CREB5: variants seen among roughly 807,000 people sequenced by gnomAD.
CREB5 encodes the protein cAMP responsive element binding protein 5.
In CREB5, 19 loss-of-function variants were observed where a neutral mutation model predicts 57.1. The observed-to-expected ratio is 0.33, with a 90% CI of 0.23 to 0.49. CREB5 has a LOEUF of 0.49. Among genes scored for constraint, CREB5 ranks in the 20% least tolerant of loss-of-function variants. CREB5 has a pLI of 0.99. For missense variants in CREB5, 579 were observed against 671.6 expected (o/e 0.86, Z 1.52); for synonymous variants, 238 against 238.3 (o/e 1.00, Z 0.01).
chr7:28,589,215 T>C (rs1796405697), intron 5 of CREB5, among the ~76,000 whole-genome samples: 1 of 152,208 alleles, frequency 6.6e-6, no homozygotes, highest in Admixed American at 6.5e-5. Context: ...GTTGCAGACA[T>C]CAGTAACTTT....
chr7:28,558,680 A>AG (rs969708949), intron 4 of CREB5, among the ~76,000 whole-genome samples: 2 of 152,144 alleles, frequency 1.3e-5, no homozygotes, highest in African/African-American at 4.8e-5. Flanking sequence ...GAGCTGAGAA[A>AG]GGGGGGCTTG....
chr7:28,488,962 G>A (rs1431941761), intron 2 of CREB5, among the ~76,000 whole-genome samples: 1 of 152,162 alleles, frequency 6.6e-6, no homozygotes, highest in Non-Finnish European at 1.5e-5. Flanking sequence ...CTATCTCTTT[G>A]AAAGAAATTA....
chr7:28,360,260 T>C (rs1222650867), intron 1 of CREB5, among the ~76,000 whole-genome samples: 2 of 152,242 alleles, frequency 1.3e-5, no homozygotes, highest in African/African-American at 4.8e-5. Context: ...TGAAGAGATA[T>C]TGGCATTTCC....
At chr7:28,775,975 C>A (rs1293378758) in intron 7 of CREB5, among the ~76,000 whole-genome samples, 1 of 152,078 alleles carries the variant, frequency 6.6e-6, no homozygotes, top group Non-Finnish European at 1.5e-5. Flanking sequence ...TGTAACTGCC[C>A]CGTGTGCACA....
intron 1 of CREB5, among the ~76,000 whole-genome samples, chr7:28,445,921 A>G (rs1583471211): frequency 6.6e-6 from 1 of 152,334 alleles, no homozygotes; most frequent in Admixed American, 6.5e-5. Flanking sequence ...AGGCCTGTTC[A>G]TGGTAGAAGC....
chr7:28,387,240 T>A (rs1583413357), intron 1 of CREB5, among the ~76,000 whole-genome samples: 1 of 152,322 alleles, frequency 6.6e-6, no homozygotes, highest in Non-Finnish European at 1.5e-5. Flanking sequence ...CCAGCTTCTG[T>A]AGTTTTTTGA....
chr7:28,386,930 G>A (rs1429355927), intron 1 of CREB5, among the ~76,000 whole-genome samples: 2 of 152,128 alleles, frequency 1.3e-5, no homozygotes, highest in Non-Finnish European at 2.9e-5. Flanking sequence ...TGGCTGCATA[G>A]TATTCCATGG....
intron 5 of CREB5, among the ~76,000 whole-genome samples, chr7:28,649,447 G>A (rs920229739): frequency 2.0e-5 from 3 of 152,230 alleles, no homozygotes; most frequent in Admixed American, 1.3e-4. Flanking sequence ...TATGGCAGCT[G>A]AGTGGAGCAG....
intron 1 of CREB5, among the ~76,000 whole-genome samples, chr7:28,363,290 G>A (rs1016383485): frequency 3.9e-5 from 6 of 152,088 alleles, no homozygotes; most frequent in African/African-American, 1.4e-4. Context: ...CCATGAAGAA[G>A]GCAAGCACAT....
chr7:28,571,535 T>A (rs1050059941), intron 5 of CREB5, among the ~76,000 whole-genome samples: 7 of 152,018 alleles, frequency 4.6e-5, no homozygotes, highest in African/African-American at 1.7e-4. Flanking sequence ...TGAGGAAAAA[T>A]TGGTAGAAAG....
intron 4 of CREB5, among the ~76,000 whole-genome samples, chr7:28,552,320 G>C (rs1345543991): frequency 6.6e-6 from 1 of 152,212 alleles, no homozygotes; most frequent in African/African-American, 2.4e-5. Context: ...TTACAGGCAT[G>C]AGTGAGCCAC....
chr7:28,473,277 G>A (rs1206391357), intron 1 of CREB5, among the ~76,000 whole-genome samples: 3 of 152,012 alleles, frequency 2.0e-5, no homozygotes, highest in Non-Finnish European at 2.9e-5. Context: ...GGCTGCGAAG[G>A]CACCATTGCA....
intron 1 of CREB5, among the ~76,000 whole-genome samples, chr7:28,445,721 T>G (rs1306341282): frequency 1.3e-5 from 2 of 151,952 alleles, no homozygotes; most frequent in East Asian, 2.0e-4. Context: ...CTGGCTAATT[T>G]TTTGTATTTT....
intron 4 of CREB5, among the ~76,000 whole-genome samples, chr7:28,533,307 A>G (rs1793810664): frequency 6.6e-6 from 1 of 152,236 alleles, no homozygotes; most frequent in African/African-American, 2.4e-5. Flanking sequence ...CTTAACCTTT[A>G]TAAACATGTG....
chr7:28,816,407 T>C (rs1809442801), intron 9 of CREB5, among the ~76,000 whole-genome samples: 1 of 152,198 alleles, frequency 6.6e-6, no homozygotes, highest in Non-Finnish European at 1.5e-5. Context: ...TGCCTTCTTG[T>C]ATGTTCTGAG....
At chr7:28,603,152 A>G (rs1796986583) in intron 5 of CREB5, among the ~76,000 whole-genome samples, 2 of 152,216 alleles carry the variant, frequency 1.3e-5, no homozygotes, top group African/African-American at 4.8e-5. Context: ...CACTCATGAT[A>G]ATCACTCAAA....
chr7:28,448,653 G>A (rs1478245114), intron 1 of CREB5, among the ~76,000 whole-genome samples: 1 of 152,226 alleles, frequency 6.6e-6, no homozygotes, highest in African/African-American at 2.4e-5. Flanking sequence ...CTGGTCACCA[G>A]CCTTGCCTTC....
At chr7:28,658,969 A>G (rs1361779195) in intron 5 of CREB5, among the ~76,000 whole-genome samples, 3 of 140,650 alleles carry the variant, frequency 2.1e-5, no homozygotes, top group South Asian at 2.2e-4. Flanking sequence ...ATATATATAT[A>G]TATATATATA....
At chr7:28,815,501 C>CA (rs1428333743) in intron 9 of CREB5, among the ~76,000 whole-genome samples, 4 of 152,132 alleles carry the variant, frequency 2.6e-5, no homozygotes, top group Admixed American at 2.6e-4. Context: ...GGTGATAGGC[C>CA]AGGGCACCAC....
Sources: allele counts gnomAD v4.1 joint callset (sites outside exome capture counted in the v4.1 genomes callset), GRCh38; gene constraint gnomAD v4.1.1; transcripts MANE v1.5; gene names NCBI Gene and HGNC (gene_info 2026-07-23, HGNC 2026-07-21).